ATP8B4: variants seen among roughly 807,000 people sequenced by gnomAD.
The protein encoded by ATP8B4 is ATPase phospholipid transporting 8B4 (putative).
In ATP8B4, 133 loss-of-function variants were observed where a neutral mutation model predicts 145.6. That is an observed-to-expected ratio of 0.91 (90% CI 0.79 to 1.05). The LOEUF is 1.05. Among genes scored for constraint, ATP8B4 ranks in the 50% least tolerant of loss-of-function variants. ATP8B4 has a pLI of 0.00. For missense variants in ATP8B4, 1,458 were observed against 1,425.2 expected (o/e 1.02, Z -0.37); for synonymous variants, 507 against 492.9 (o/e 1.03, Z -0.38).
At position 50,045,530 on chromosome 15, in the gene ATP8B4, G is replaced by A. The variant is rs149459004; in HGVS notation, c.202-838C>T. Among the ~76,000 whole-genome samples the A allele has an allele frequency of 5.3e-5, 8 of 152,242 alleles. No homozygotes were observed. The East Asian group carries it at 1.5e-3, about 29-fold the overall frequency. On this transcript the variant is annotated intron_variant, in intron 4 of 27. Transcript: ENST00000284509. Reference sequence around the variant, plus strand: ...GGCAGGAAAGGATGGGGTAGAGACGGTCAGTGGCTAAAGATCAGGCCCCAT... The same window carrying A: ...GGCAGGAAAGGATGGGGTAGAGACGATCAGTGGCTAAAGATCAGGCCCCAT...
chr15:49,942,692 G>A (rs2042254722), intron 14 of ATP8B4, among the ~76,000 whole-genome samples: 1 of 152,034 alleles, frequency 6.6e-6, no homozygotes. Flanking sequence ...GGACGAGGTG[G>A]CAGGTGCCTG....
chr15:50,117,002 T>A (rs911077634), intron 1 of ATP8B4, among the ~76,000 whole-genome samples: 1 of 152,190 alleles, frequency 6.6e-6, no homozygotes, highest in Admixed American at 6.5e-5. Context: ...TTACTCATGC[T>A]ATACAAGAAT....
chr15:49,973,158 T>C (rs922582223), intron 12 of ATP8B4, among the ~76,000 whole-genome samples: 3 of 152,162 alleles, frequency 2.0e-5, no homozygotes, highest in African/African-American at 7.2e-5. Context: ...ACCAGTTTTG[T>C]GGAGGACGCT....
chr15:50,030,246 C>T (rs561037191), intron 6 of ATP8B4, among the ~76,000 whole-genome samples: 9 of 151,808 alleles, frequency 5.9e-5, no homozygotes, highest in Non-Finnish European at 1.2e-4. Context: ...AGAAAAGATG[C>T]ATAAACCTAT....
chr15:50,007,488 T>A (rs1467523108), intron 7 of ATP8B4, among the ~76,000 whole-genome samples: 1 of 152,206 alleles, frequency 6.6e-6, no homozygotes, highest in South Asian at 2.1e-4. Context: ...TGTTTTCTCA[T>A]CTGTAAAGTG....
At chr15:49,876,599 A>G (rs1484776627) in intron 24 of ATP8B4, 76 bp from the exon 25 acceptor site, 10 of 1,574,586 alleles carry the variant, frequency 6.4e-6, no homozygotes, top group African/African-American at 2.7e-5. Flanking sequence ...ATCTTCAGAA[A>G]TAGCAAATGC....
intron 1 of ATP8B4, among the ~76,000 whole-genome samples, chr15:50,127,675 G>T (rs187998627): frequency 1.3e-5 from 2 of 152,136 alleles, no homozygotes; most frequent in African/African-American, 4.8e-5. Flanking sequence ...CTATAATACC[G>T]ATTGCAAAGA....
chr15:50,132,162 A>T (rs991158205), intron 1 of ATP8B4, among the ~76,000 whole-genome samples: 2 of 152,222 alleles, frequency 1.3e-5, no homozygotes, highest in African/African-American at 4.8e-5. Context: ...TACAGGCTGT[A>T]TTACTATTAA....
chr15:50,109,204 A>G (rs1299122856), intron 1 of ATP8B4, among the ~76,000 whole-genome samples: 1 of 152,182 alleles, frequency 6.6e-6, no homozygotes, highest in Non-Finnish European at 1.5e-5. Flanking sequence ...AGAGCAGAAG[A>G]AAGAAGAGAA....
intron 3 of ATP8B4, among the ~76,000 whole-genome samples, chr15:50,056,948 A>T (rs1215323105): frequency 6.6e-6 from 1 of 151,822 alleles, no homozygotes; most frequent in Admixed American, 6.6e-5. Context: ...CTGATCTCGA[A>T]CTCCTGGCCT....
At chr15:50,054,783 C>CAAAAAAAAAAAAA (rs55783703) in intron 3 of ATP8B4, among the ~76,000 whole-genome samples, 3 of 81,838 alleles carry the variant, frequency 3.7e-5, no homozygotes, top group African/African-American at 5.0e-5. Context: ...GACTCCGCCT[C>CAAAAAAAAAAAAA]AAAAAAAAAA....
At chr15:50,158,321 C>T (rs1397764193) in intron 1 of ATP8B4, among the ~76,000 whole-genome samples, 2 of 150,928 alleles carry the variant, frequency 1.3e-5, no homozygotes, top group Non-Finnish European at 3.0e-5. Flanking sequence ...AGCGTCTCTG[C>T]CCGGCAGCCA....
chr15:50,125,892 A>C lies in ATP8B4; in HGVS notation c.-42-18884T>G, dbSNP rs2153678437. Among the ~76,000 whole-genome samples, 3 of 152,318 alleles carry C rather than the reference A, an allele frequency of 2.0e-5. No homozygotes were observed. The South Asian group carries it at 6.2e-4, about 32-fold the overall frequency. On this transcript the variant is annotated intron_variant, in intron 1 of 3. Transcript: ENST00000558829. ...CTGCTACAGCTTGTAACTGCAGAAA[A>C]CTGAATCTATGCTCCCAGGTTGCAA...
chr15:49,957,361 A>C (rs901855714), intron 14 of ATP8B4, among the ~76,000 whole-genome samples: 2 of 152,004 alleles, frequency 1.3e-5, no homozygotes, highest in African/African-American at 4.8e-5. Flanking sequence ...ACACAAACAC[A>C]CACACACAGA....
At chr15:49,945,136 TAG>T (rs879920125) in intron 14 of ATP8B4, among the ~76,000 whole-genome samples, 1 of 151,986 alleles carries the variant, frequency 6.6e-6, no homozygotes, top group Non-Finnish European at 1.5e-5. Context: ...CTCAAAGAGC[TAG>T]AGTCATGTAA....
chr15:50,062,292 A>T (rs1268369145), intron 3 of ATP8B4, among the ~76,000 whole-genome samples: 1 of 152,068 alleles, frequency 6.6e-6, no homozygotes, highest in Non-Finnish European at 1.5e-5. Flanking sequence ...AGATCTTGTC[A>T]TTTAGAAGTG....
chr15:50,069,691 TG>T (rs1477936910), intron 3 of ATP8B4, among the ~76,000 whole-genome samples: 2 of 152,198 alleles, frequency 1.3e-5, no homozygotes, highest in Admixed American at 6.5e-5. Flanking sequence ...GTTGGTTGAT[TG>T]TTTTTTTGTT....
At chr15:49,892,382 T>A (rs2153423581) in intron 23 of ATP8B4, among the ~76,000 whole-genome samples, 1 of 152,262 alleles carries the variant, frequency 6.6e-6, no homozygotes, top group East Asian at 1.9e-4. Context: ...TTTGCAGAAG[T>A]TTAAACGTAA....
At chr15:50,142,922 A>G (rs2044231536) in intron 1 of ATP8B4, among the ~76,000 whole-genome samples, 1 of 152,168 alleles carries the variant, frequency 6.6e-6, no homozygotes, top group Admixed American at 6.5e-5. Flanking sequence ...CTCCCTTTTG[A>G]GAAGAAACGA....
Sources: gnomAD v4.1 joint callset for allele counts (sites outside exome capture counted in the v4.1 genomes callset) on GRCh38, gnomAD v4.1.1 for gene constraint, MANE v1.5 for transcripts, NCBI Gene and HGNC (gene_info 2026-07-23, HGNC 2026-07-21) for gene names.